Variants in SGCD observed in about 807,000 individuals in gnomAD.
The protein encoded by SGCD is delta-sarcoglycan.
A neutral mutation model predicts 36.6 loss-of-function variants in SGCD; 18 were observed. The observed-to-expected ratio is 0.49, with a 90% CI of 0.34 to 0.73. The LOEUF (loss-of-function observed/expected upper bound fraction) is 0.73, where lower values mean the gene tolerates loss of function less well. SGCD is among the 30% of genes least tolerant of loss of function. The probability of loss-of-function intolerance (pLI) is 0.01; values close to 1 mark genes in which losing one functional copy is unlikely to be tolerated. For synonymous variants in SGCD, 133 were observed against 130.6 expected (o/e 1.02, Z -0.12); for missense variants, 387 against 346.7 (o/e 1.12, Z -0.92).
chr5:155,878,042 G>A (rs1179388549), intron 1 of SGCD, among the ~76,000 whole-genome samples: 1 of 152,062 alleles, frequency 6.6e-6, no homozygotes. Flanking sequence ...TAACACAGAG[G>A]GAAGGAGCCA....
chr5:156,287,595 G>T (rs762476210), intron 3 of SGCD, among the ~76,000 whole-genome samples: 4 of 151,736 alleles, frequency 2.6e-5, no homozygotes, highest in Non-Finnish European at 5.9e-5. Context: ...CCCTGGGCAT[G>T]CCACTCAGCT....
chr5:156,143,547 GC>G (rs1762626045), intron 3 of SGCD, among the ~76,000 whole-genome samples: 1 of 152,138 alleles, frequency 6.6e-6, no homozygotes, highest in Admixed American at 6.5e-5. Context: ...AGCTGCAGGG[GC>G]TGATCCCTGC....
At chr5:155,923,321 G>A (rs1249006938) in intron 1 of SGCD, among the ~76,000 whole-genome samples, 2 of 152,106 alleles carry the variant, frequency 1.3e-5, no homozygotes, top group Admixed American at 6.5e-5. Context: ...ACACATTATC[G>A]AAAAGGTTTA....
At chr5:156,079,678 C>T (rs112813280) in intron 1 of SGCD, among the ~76,000 whole-genome samples, 1,635 of 152,360 alleles carry the variant, frequency 0.011, 45 homozygotes, top group African/African-American at 0.038. Flanking sequence ...AAATAGTCTT[C>T]TTTGACTCCA....
At chr5:156,085,399 A>T (rs1027576596) in intron 1 of SGCD, among the ~76,000 whole-genome samples, 1 of 151,312 alleles carries the variant, frequency 6.6e-6, no homozygotes, top group Non-Finnish European at 1.5e-5. Flanking sequence ...ACAGTGTGGC[A>T]CCTCTCCCCA....
the SGCD span, among the ~76,000 whole-genome samples, chr5:155,730,461 G>GTGTGTGTGTGTGTGTT: frequency 6.6e-6 from 1 of 151,710 alleles, no homozygotes; most frequent in East Asian, 1.9e-4. Flanking sequence ...GTGTGTGTGT[G>GTGTGTGTGTGTGTGTT]TGTGTGTGTG....
intron 3 of SGCD, among the ~76,000 whole-genome samples, chr5:156,144,707 A>T (rs900963099): frequency 6.6e-6 from 1 of 152,112 alleles, no homozygotes; most frequent in African/African-American, 2.4e-5. Flanking sequence ...CTCTGATGGT[A>T]GTTTCTTTTG....
At position 155,898,746 on chromosome 5, in the gene SGCD, C is replaced by T. The variant is rs17052958; in HGVS notation, c.-282+28322C>T. Among the ~76,000 whole-genome samples, 4 of 151,984 alleles carry T rather than the reference C, an allele frequency of 2.6e-5. No individual in the cohort carries two copies. In the South Asian group the frequency reaches 8.3e-4, roughly 32 times the overall value. On this transcript the variant is annotated intron_variant, in intron 1 of 9. Coordinates refer to the SGCD transcript ENST00000517913. ...AGGATACAGCTTGGCTGCTGCAGCT[C>T]AGGAAAAACAAGCTCGTGAGGTTGC...
At chr5:156,075,162 G>C (rs540922855) in intron 1 of SGCD, among the ~76,000 whole-genome samples, 1 of 151,978 alleles carries the variant, frequency 6.6e-6, no homozygotes, top group South Asian at 2.1e-4. Context: ...GTCAACGTTA[G>C]CCTAGTGCAC....
chr5:156,264,158 T>C (rs1765943870), intron 3 of SGCD, among the ~76,000 whole-genome samples: 1 of 151,970 alleles, frequency 6.6e-6, no homozygotes, highest in Non-Finnish European at 1.5e-5. Flanking sequence ...AAATAGAAAG[T>C]GAACGTAACA....
chr5:155,906,184 G>A (rs1469798236), intron 1 of SGCD, among the ~76,000 whole-genome samples: 1 of 152,030 alleles, frequency 6.6e-6, no homozygotes, highest in African/African-American at 2.4e-5. Context: ...TCATGCCTGT[G>A]TAATATAGAG....
chr5:156,213,563 T>C (rs2127642135), intron 3 of SGCD, among the ~76,000 whole-genome samples: 1 of 152,138 alleles, frequency 6.6e-6, no homozygotes, highest in South Asian at 2.1e-4. Context: ...ATATCTATTC[T>C]CCTCTACCTC....
intron 4 of SGCD, among the ~76,000 whole-genome samples, chr5:156,546,956 G>C (rs1024249610): frequency 6.6e-6 from 1 of 152,094 alleles, no homozygotes; most frequent in African/African-American, 2.4e-5. Flanking sequence ...GTAATACACT[G>C]GATTTCAAGT....
intron 3 of SGCD, among the ~76,000 whole-genome samples, chr5:156,273,326 C>T (rs1249414742): frequency 6.6e-6 from 1 of 152,078 alleles, no homozygotes; most frequent in South Asian, 2.1e-4. Flanking sequence ...GAAGAAAGAA[C>T]AAAAACTGCA....
intron 3 of SGCD, among the ~76,000 whole-genome samples, chr5:156,397,055 A>G (rs1489986568): frequency 1.3e-5 from 2 of 152,196 alleles, no homozygotes; most frequent in African/African-American, 4.8e-5. Context: ...AAGGGTCACA[A>G]AGGAGCCCTG....
the SGCD span, among the ~76,000 whole-genome samples, chr5:155,729,444 A>G: frequency 6.6e-6 from 1 of 152,370 alleles, no homozygotes; most frequent in South Asian, 2.1e-4. Context: ...AGACAGAGAA[A>G]GAGACAGAGA....
At chr5:156,747,438 T>C (rs1442835514) in intron 7 of SGCD, among the ~76,000 whole-genome samples, 1 of 152,192 alleles carries the variant, frequency 6.6e-6, no homozygotes, top group Non-Finnish European at 1.5e-5. Flanking sequence ...GACAGGGCAG[T>C]GATCTTACCA....
chr5:156,647,398 G>A, intron 6 of SGCD, 66 bp from the exon 7 acceptor site: 2 of 1,041,836 alleles, frequency 1.9e-6, no homozygotes, highest in Middle Eastern at 2.0e-4. Flanking sequence ...CAATCAGTGT[G>A]CTGATTGTGC....
At chr5:156,630,497 G>A (rs1762592539) in intron 6 of SGCD, among the ~76,000 whole-genome samples, 1 of 152,092 alleles carries the variant, frequency 6.6e-6, no homozygotes, top group Non-Finnish European at 1.5e-5. Flanking sequence ...TAAGTGCTTT[G>A]CCTGTAATAT....
Sources: allele counts gnomAD v4.1 joint callset (sites outside exome capture counted in the v4.1 genomes callset), GRCh38; gene constraint gnomAD v4.1.1; transcripts MANE v1.5; gene names NCBI Gene and HGNC (gene_info 2026-07-23, HGNC 2026-07-21).